Variants in VPS13D observed in about 807,000 individuals in gnomAD.
The protein encoded by VPS13D is vacuolar protein sorting 13 homolog D, also known as intermembrane lipid transfer protein VPS13D.
VPS13D carries 187 observed loss-of-function variants against 461.9 expected under a neutral mutation model. The observed-to-expected ratio is 0.40, with a 90% CI of 0.36 to 0.46. VPS13D has a LOEUF of 0.46. Among genes scored for constraint, VPS13D ranks in the 20% least tolerant of loss-of-function variants. The pLI, the probability that VPS13D is intolerant of heterozygous loss-of-function variation, is 0.60. For synonymous variants in VPS13D, 1,951 were observed against 1,986.3 expected, an observed-to-expected ratio of 0.98 and a Z score of 0.47; for missense variants, 4,711 against 5,364.9, an observed-to-expected ratio of 0.88 and a Z score of 3.81.
chr1:12,375,871 C>A (rs1169386595), intron 55 of VPS13D, among the ~76,000 whole-genome samples: 1 of 152,168 alleles, frequency 6.6e-6, no homozygotes, highest in African/African-American at 2.4e-5. Context: ...ACCACACACA[C>A]AAGCCCCATG....
At position 12,253,050 on chromosome 1, in the gene VPS13D, C is replaced by T. The variant is rs543699939; in HGVS notation, c.565-672C>T. On this transcript the variant is annotated intron_variant, in intron 6 of 69. Transcript: ENST00000620676. ...ATGCATGCCTGTAATCCCAGCTATTCGGGAGGCTGAGGCAGGAGAATCACT... is the reference window on the plus strand; with the variant it reads ...ATGCATGCCTGTAATCCCAGCTATTTGGGAGGCTGAGGCAGGAGAATCACT... Among the ~76,000 whole-genome samples the T allele has an allele frequency of 3.5e-3, 496 of 143,352 alleles. 1 individual carries two copies. The highest frequency in any genetic ancestry group is 5.8e-3 in the Non-Finnish European group (378 of 65,386). 94.0% of individuals were successfully genotyped at this position (143,352 alleles called of 152,430 possible). A position where few individuals can be genotyped will look rare whatever the true frequency, so the allele number is the denominator to read the frequency against.
At chr1:12,331,374 A>T (rs891676297) in intron 37 of VPS13D, among the ~76,000 whole-genome samples, 5 of 152,062 alleles carry the variant, frequency 3.3e-5, no homozygotes, top group African/African-American at 1.2e-4. Context: ...GTTAGTTAAC[A>T]TTTTCCCTGT....
intron 59 of VPS13D, 151 bp downstream of exon 59, chr1:12,385,524 T>C: frequency 1.6e-6 from 1 of 631,542 alleles, no homozygotes; most frequent in Non-Finnish European, 2.7e-6. Flanking sequence ...TCAGTGAATG[T>C]GTGAATGTAT....
At chr1:12,468,163 C>T (rs1003696551) in intron 67 of VPS13D, among the ~76,000 whole-genome samples, 1 of 152,182 alleles carries the variant, frequency 6.6e-6, no homozygotes, top group Non-Finnish European at 1.5e-5. Flanking sequence ...CCTAATATTA[C>T]ATACATAAGA....
At chr1:12,474,462 T>C (rs557696167) in intron 67 of VPS13D, among the ~76,000 whole-genome samples, 4 of 152,102 alleles carry the variant, frequency 2.6e-5, no homozygotes, top group African/African-American at 9.6e-5. Context: ...AACAATATTA[T>C]TATGTAGGTC....
intron 65 of VPS13D, among the ~76,000 whole-genome samples, chr1:12,438,183 C>T (rs1464236199): frequency 6.6e-6 from 1 of 152,084 alleles, no homozygotes; most frequent in Non-Finnish European, 1.5e-5. Context: ...GAATGTGTCC[C>T]CCCAGAATTC....
intron 60 of VPS13D, among the ~76,000 whole-genome samples, chr1:12,393,316 G>C (rs1344278806): frequency 1.3e-5 from 2 of 152,240 alleles, no homozygotes; most frequent in Non-Finnish European, 2.9e-5. Flanking sequence ...CAAACCTGGA[G>C]AGTTGATATA....
chr1:12,343,614 G>A (rs916719020), intron 42 of VPS13D, among the ~76,000 whole-genome samples: 1 of 151,928 alleles, frequency 6.6e-6, no homozygotes, highest in Non-Finnish European at 1.5e-5. Flanking sequence ...GGCTCAAGCA[G>A]TTCTCTCACC....
chr1:12,402,524 A>G (rs75752124), intron 62 of VPS13D: 1 of 152,258 alleles, frequency 6.6e-6, no homozygotes, highest in Non-Finnish European at 1.5e-5. Flanking sequence ...ATGTACATAC[A>G]TACACACAAT....
chr1:12,493,950 G>GT (rs1228641674), intron 67 of VPS13D, among the ~76,000 whole-genome samples: 1 of 152,232 alleles, frequency 6.6e-6, no homozygotes, highest in Non-Finnish European at 1.5e-5. Flanking sequence ...TGATACAGGA[G>GT]TGGGGGGAAA....
chr1:12,406,125 G>A (rs574030968), intron 63 of VPS13D, among the ~76,000 whole-genome samples: 1 of 152,110 alleles, frequency 6.6e-6, no homozygotes, highest in African/African-American at 2.4e-5. Flanking sequence ...GTGTGTAGGG[G>A]GCACGCCGAG....
chr1:12,497,748 G>GTCA, intron 68 of VPS13D, 117 bp downstream of exon 68: 1 of 1,267,510 alleles, frequency 7.9e-7, no homozygotes, highest in Non-Finnish European at 1.0e-6. Flanking sequence ...CTTAGATCTG[G>GTCA]TCAAAGAATT....
In VPS13D at chr1:12,460,187, G is replaced by A. The variant is rs746990996; in HGVS notation, c.12467-14G>A. The A allele has an allele frequency of 8.3e-6, 13 of 1,559,456 alleles. No homozygotes were observed. The highest frequency in any genetic ancestry group is 1.0e-5 in the Non-Finnish European group (12 of 1,151,486). On this transcript the variant is annotated splice_polypyrimidine_tract_variant and intron_variant, in intron 66 of 69. Transcript: ENST00000620676. The stretch of plus-strand genomic sequence containing the variant: ...TCCTCGTCAGGTTACAACAGCCCTT[G>A]TCTTTTTCACTAGGTATCATTGGTG...
At chr1:12,246,730 C>G (rs56134455) in intron 5 of VPS13D, among the ~76,000 whole-genome samples, 1,913 of 152,294 alleles carry the variant, frequency 0.013, 37 homozygotes, top group African/African-American at 0.044. Context: ...CAGGCAAGAA[C>G]TCAGTAGAGG....
Position 12,459,769 on chromosome 1 carries a change from G to A in VPS13D, c.12467-432G>A, listed in dbSNP as rs116888076. On this transcript the variant is annotated intron_variant, in intron 66 of 69. Coordinates refer to ENST00000620676, the MANE Select transcript of VPS13D (RefSeq NM_015378.4). ...TGGGATTATGGGCGTGAGCCACTGC[G>A]CCCAGCCTCTGCCTTATATTTCATA... Among the ~76,000 whole-genome samples, 239 of 152,096 alleles carry A rather than the reference G, an allele frequency of 1.6e-3. 2 individuals are homozygous for A. The East Asian group carries it at 0.038, about 24-fold the overall frequency.
At chr1:12,303,904 A>G (rs1642491163) in intron 25 of VPS13D, among the ~76,000 whole-genome samples, 2 of 152,220 alleles carry the variant, frequency 1.3e-5, no homozygotes, top group African/African-American at 2.4e-5. Context: ...AAAGAGTAGT[A>G]TTTTCAATAG....
At chr1:12,333,150 AACATTTG>A in intron 37 of VPS13D, 69 bp from the exon 38 acceptor site, 2 of 1,522,604 alleles carry the variant, frequency 1.3e-6, no homozygotes, top group Non-Finnish European at 1.8e-6. Flanking sequence ...GTCCTTGCTG[AACATTTG>A]CGAGCAGTGT....
At chr1:12,241,012 C>T (rs989995792) in intron 2 of VPS13D, among the ~76,000 whole-genome samples, 2 of 151,984 alleles carry the variant, frequency 1.3e-5, no homozygotes, top group Non-Finnish European at 2.9e-5. Flanking sequence ...GTGAGTATAG[C>T]TCACTGCAGC....
chr1:12,304,832 A>G (rs1052683439), intron 26 of VPS13D, 104 bp downstream of exon 26: 2 of 1,111,946 alleles, frequency 1.8e-6, no homozygotes, highest in Non-Finnish European at 2.6e-6. Context: ...ATGTTAACGA[A>G]GAGATAGCAT....
Sources: gnomAD v4.1 joint callset for allele counts (sites outside exome capture counted in the v4.1 genomes callset) on GRCh38, gnomAD v4.1.1 for gene constraint, MANE v1.5 for transcripts, NCBI Gene and HGNC (gene_info 2026-07-23, HGNC 2026-07-21) for gene names.